Variants in SLA2 observed in about 807,000 individuals in gnomAD.
SLA2 encodes the protein src-like-adapter 2.
A neutral mutation model predicts 27.3 loss-of-function variants in SLA2; 22 were observed. The observed-to-expected ratio is 0.81, with a 90% CI of 0.58 to 1.15. SLA2 has a LOEUF of 1.15. SLA2 is among the 50% of genes most tolerant of loss of function. The probability of loss-of-function intolerance (pLI) is 0.00; values close to 1 mark genes in which losing one functional copy is unlikely to be tolerated. For missense variants in SLA2, 304 were observed against 322.2 expected (o/e 0.94, Z 0.43); for synonymous variants, 131 against 137.8 (o/e 0.95, Z 0.34).
At chr20:36,637,060 G>A (rs2039457829) in intron 2 of SLA2, among the ~76,000 whole-genome samples, 1 of 151,712 alleles carries the variant, frequency 6.6e-6, no homozygotes, top group Admixed American at 6.6e-5. Flanking sequence ...ATTCTTCTTT[G>A]GGGTAAGTAA....
chr20:36,621,646 A>AAAC (rs2039284332), intron 5 of SLA2, among the ~76,000 whole-genome samples: 1 of 149,976 alleles, frequency 6.7e-6, no homozygotes, highest in Non-Finnish European at 1.5e-5. Flanking sequence ...AAACAAAACA[A>AAAC]AAAACAAAAA....
chr20:36,614,975 G>C (rs1360076376), intron 6 of SLA2: 9 of 985,418 alleles, frequency 9.1e-6, no homozygotes, highest in Non-Finnish European at 1.1e-5. Context: ...CTCTGAGTCA[G>C]AACCAGAGTG....
At position 36,646,083 on chromosome 20, in the gene SLA2, T is replaced by A. The variant is rs905323307; in HGVS notation, c.-290A>T. 4 of 152,308 alleles carry A rather than the reference T, an allele frequency of 2.6e-5. No individual in the cohort carries two copies. Among genetic ancestry groups the A allele is most frequent in the Non-Finnish European group, 4.4e-5 (3 of 68,156 alleles). 9.4% of individuals were successfully genotyped at this position (152,308 alleles called of 1,614,324 possible). A position where few individuals can be genotyped will look rare whatever the true frequency, so the allele number is the denominator to read the frequency against. ...CAGCTGCCCCATGCTCCTTAGGGAT[T>A]CTGGACTGGGGAACCCTCCCAAGCA... On this transcript the variant is annotated 5_prime_UTR_variant, in exon 1 of 8. Transcript: ENST00000262866.
chr20:36,626,982 G>A (rs892520747), intron 5 of SLA2, among the ~76,000 whole-genome samples: 1 of 152,196 alleles, frequency 6.6e-6, no homozygotes, highest in Admixed American at 6.5e-5. Flanking sequence ...GTGATAGTCT[G>A]GGAAGGCGAT....
intron 5 of SLA2, among the ~76,000 whole-genome samples, chr20:36,632,302 C>CCCAGGTCCACTCCT: frequency 6.6e-6 from 1 of 152,062 alleles, no homozygotes; most frequent in African/African-American, 2.4e-5. Context: ...CCCTCAGGAT[C>CCCAGGTCCACTCCT]CCAGGTCCAC....
Position 36,613,954 on chromosome 20 carries a change from TC to T in SLA2, c.697del (p.Glu233ArgfsTer19), listed in dbSNP as rs1454855410. On this transcript the variant is annotated frameshift_variant, in exon 8 of 8. Coordinates refer to ENST00000262866, the MANE Select transcript of SLA2 (RefSeq NM_032214.4). LOFTEE classifies it high-confidence loss of function. ...GAGACCCTCACTGAGAAGAGACTCC[TC>T]CCCTGTGGCAGCTTCAGAAAACAGG... ...SLLFSEAATG[E>X]ESLLSEGLRE... 3 of 1,614,028 alleles carry T rather than the reference TC, an allele frequency of 1.9e-6. No individual in the cohort carries two copies. The highest frequency in any genetic ancestry group is 1.7e-5 in the Admixed American group (1 of 60,006).
At chr20:36,637,193 ATTTTTTTTTTTT>A (rs1175945445) in intron 2 of SLA2, among the ~76,000 whole-genome samples, 3 of 87,966 alleles carry the variant, frequency 3.4e-5, no homozygotes, top group Non-Finnish European at 6.5e-5. Context: ...GCGTGTGTGT[ATTTTTTTTTTTT>A]TTTTTTTTTT....
chr20:36,633,725 C>G, intron 3 of SLA2, 96 bp from the exon 4 acceptor site: 1 of 923,456 alleles, frequency 1.1e-6, no homozygotes, highest in South Asian at 1.4e-5. Context: ...CAGGCTGGAT[C>G]CTGTGGCCAC....
At chr20:36,641,776 G>A (rs2039509123) in intron 1 of SLA2, among the ~76,000 whole-genome samples, 1 of 151,894 alleles carries the variant, frequency 6.6e-6, no homozygotes, top group Non-Finnish European at 1.5e-5. Flanking sequence ...TCTGACCCGG[G>A]ATCACACTTG....
At chr20:36,630,082 C>G (rs866755018) in intron 5 of SLA2, among the ~76,000 whole-genome samples, 1 of 152,150 alleles carries the variant, frequency 6.6e-6, no homozygotes, top group African/African-American at 2.4e-5. Context: ...AGAGAATGGG[C>G]CAGGGGAGGG....
At chr20:36,644,839 C>T (rs140467792) in intron 1 of SLA2, among the ~76,000 whole-genome samples, 201 of 149,722 alleles carry the variant, frequency 1.3e-3, no homozygotes, top group Non-Finnish European at 2.1e-3. Flanking sequence ...CAACGGCAGC[C>T]GAGATGAGCA....
At chr20:36,631,890 C>T (rs1284672012) in intron 5 of SLA2, among the ~76,000 whole-genome samples, 1 of 152,232 alleles carries the variant, frequency 6.6e-6, no homozygotes, top group African/African-American at 2.4e-5. Context: ...ATGAAACACT[C>T]CTGTGTCAGA....
At chr20:36,636,778 T>C (rs1246224233) in intron 2 of SLA2, among the ~76,000 whole-genome samples, 1 of 150,086 alleles carries the variant, frequency 6.7e-6, no homozygotes, top group Admixed American at 6.7e-5. Flanking sequence ...TGAAACCCCG[T>C]CTCTACTAAA....
chr20:36,615,899 C>T (rs888051055), intron 5 of SLA2, among the ~76,000 whole-genome samples: 1 of 152,144 alleles, frequency 6.6e-6, no homozygotes, highest in Non-Finnish European at 1.5e-5. Context: ...AAGTCAAAAA[C>T]GGCAAACAGC....
intron 5 of SLA2, among the ~76,000 whole-genome samples, chr20:36,630,340 AAAG>A (rs1193340388): frequency 6.6e-6 from 1 of 152,190 alleles, no homozygotes; most frequent in Admixed American, 6.6e-5. Flanking sequence ...GAGGAGAGAC[AAAG>A]AAGCTGGAAA....
At chr20:36,637,321 G>A (rs2039461671) in intron 2 of SLA2, among the ~76,000 whole-genome samples, 1 of 148,530 alleles carries the variant, frequency 6.7e-6, no homozygotes, top group Non-Finnish European at 1.5e-5. Flanking sequence ...TCCTGCCTCA[G>A]CCTCCTGAGT....
intron 2 of SLA2, 63 bp downstream of exon 2, chr20:36,641,182 C>T: frequency 7.1e-7 from 1 of 1,405,084 alleles, no homozygotes; most frequent in Non-Finnish European, 1.0e-6. Flanking sequence ...GGAAGGCCCA[C>T]AGAGGCAGTG....
At position 36,634,577 on chromosome 20, in the gene SLA2, G is replaced by A. The variant is rs763820869; in HGVS notation, c.104C>T (p.Ala35Val). ...GAAACTGCCCAGGGCCACGGCTGTG[G>A]CCTTGCTTCTCTCTAGATGGAGGGA... ...PVTMEAERSK[A>V]TAVALGSFPA... Residue 35 changes from alanine (A) to valine (V), a missense_variant, in exon 3 of 8, where the codon GCC (alanine) becomes GTC (valine). By Grantham distance (64) the Ala-to-Val change is moderately conservative (BLOSUM62 0). Transcript: ENST00000262866. 37 of 1,605,352 alleles carry A rather than the reference G, an allele frequency of 2.3e-5. No homozygotes were observed. The highest frequency in any genetic ancestry group is 6.7e-5 in the African/African-American group (5 of 74,660).
chr20:36,633,659 T>C, intron 3 of SLA2, 30 bp from the exon 4 acceptor site: 1 of 1,590,644 alleles, frequency 6.3e-7, no homozygotes, highest in African/African-American at 1.3e-5. Flanking sequence ...GGGGCACCTC[T>C]TTCAGATGAG....
Sources: gnomAD v4.1 joint callset for allele counts (sites outside exome capture counted in the v4.1 genomes callset) on GRCh38, gnomAD v4.1.1 for gene constraint, MANE v1.5 for transcripts, NCBI Gene and HGNC (gene_info 2026-07-23, HGNC 2026-07-21) for gene names.